The following BST1 variants were observed in gnomAD, a reference collection of about 807,000 sequenced individuals.
BST1 encodes bone marrow stromal cell antigen 1.
In BST1, 49 loss-of-function variants were observed where a neutral mutation model predicts 40.6. The ratio of observed to expected loss-of-function variants is 1.21; its 90% CI spans 0.96 to 1.53. The LOEUF is 1.53. Ranked by LOEUF, BST1 falls within the 40% of genes most tolerant of loss-of-function variation. BST1 has a pLI of 0.00. For synonymous variants in BST1, 157 were observed against 159.3 expected (o/e 0.99, Z 0.11); for missense variants, 423 against 395.9 (o/e 1.07, Z -0.58).
chr4:15,736,293 C>T (rs1024410874), downstream of BST1: 1 of 230,796 alleles, frequency 4.3e-6, no homozygotes, highest in African/African-American at 2.3e-5. Flanking sequence ...TGGTTTCCTA[C>T]CCTTGGCAAG....
chr4:15,723,548 C>T (rs369698177), intron 8 of BST1: 14 of 985,274 alleles, frequency 1.4e-5, no homozygotes, highest in African/African-American at 5.2e-5. Context: ...ACGCCTGGCC[C>T]ACACCACCTT....
At chr4:15,766,787 T>TAAA in the BST1 span, among the ~76,000 whole-genome samples, 79 of 68,356 alleles carry the variant, frequency 1.2e-3, 3 homozygotes, top group East Asian at 4.4e-3. Flanking sequence ...AAGACCTCCC[T>TAAA]AAAAAAAAAA....
intron 8 of BST1, among the ~76,000 whole-genome samples, chr4:15,726,136 G>GTTT (rs58225702): frequency 0.041 from 4,390 of 107,482 alleles, 488 homozygotes; most frequent in African/African-American, 0.15. Context: ...AACTTTTAAA[G>GTTT]TTTTTTTTTT....
the BST1 span, among the ~76,000 whole-genome samples, chr4:15,760,001 A>G: frequency 6.6e-6 from 1 of 151,960 alleles, no homozygotes; most frequent in Non-Finnish European, 1.5e-5. Context: ...AGTTTTTAGC[A>G]TATTCAGTTT....
At chr4:15,705,045 G>A (rs1283350134) in intron 1 of BST1, 3 of 715,860 alleles carry the variant, frequency 4.2e-6, no homozygotes, top group African/African-American at 3.5e-5. Context: ...TTGCACTGGA[G>A]GGTGCACCTG....
the BST1 span, among the ~76,000 whole-genome samples, chr4:15,746,710 T>C: frequency 1.3e-5 from 2 of 152,298 alleles, no homozygotes; most frequent in African/African-American, 4.8e-5. Context: ...GGATGTGGTA[T>C]TGCTCTGGAA....
At chr4:15,751,715 C>T in the BST1 span, among the ~76,000 whole-genome samples, 1 of 151,466 alleles carries the variant, frequency 6.6e-6, no homozygotes, top group African/African-American at 2.4e-5. Context: ...ATAATGTATA[C>T]ATCCACATAT....
chr4:15,757,382 G>A, the BST1 span, among the ~76,000 whole-genome samples: 2 of 152,214 alleles, frequency 1.3e-5, no homozygotes, highest in Admixed American at 6.5e-5. Context: ...CTCCCTGCAC[G>A]AACTGCAGTG....
At chr4:15,737,893 G>T in exon 7 of BST1, 4 of 1,101,396 alleles carry the variant, frequency 3.6e-6, no homozygotes, top group Non-Finnish European at 3.7e-6. Flanking sequence ...AGAGGCTCTG[G>T]CAAGAGTTGA....
chr4:15,705,480 T>A (rs201717484), intron 1 of BST1, 35 bp from the exon 2 acceptor site: 1 of 1,542,724 alleles, frequency 6.5e-7, no homozygotes, highest in African/African-American at 1.4e-5. Flanking sequence ...ATGATGTGCA[T>A]GTGTGTGTTC....
the BST1 span, among the ~76,000 whole-genome samples, chr4:15,771,511 T>C: frequency 1.3e-5 from 2 of 152,238 alleles, no homozygotes; most frequent in African/African-American, 4.8e-5. Flanking sequence ...TTAGGTTTTA[T>C]TTTCTCAAGT....
At chr4:15,729,041 A>C (rs1721257379) in intron 8 of BST1, among the ~76,000 whole-genome samples, 1 of 152,238 alleles carries the variant, frequency 6.6e-6, no homozygotes, top group Non-Finnish European at 1.5e-5. Context: ...AAGAATTAAG[A>C]TTAAATTTTA....
At chr4:15,727,221 C>T (rs1308124624) in intron 8 of BST1, among the ~76,000 whole-genome samples, 1 of 152,190 alleles carries the variant, frequency 6.6e-6, no homozygotes, top group Admixed American at 6.5e-5. Context: ...TCCTACCACA[C>T]CACACTGCCT....
At chr4:15,766,874 A>G in the BST1 span, among the ~76,000 whole-genome samples, 1 of 150,076 alleles carries the variant, frequency 6.7e-6, no homozygotes, top group Non-Finnish European at 1.5e-5. Flanking sequence ...CCTTCTGACC[A>G]GAAGAAGTGT....
At chr4:15,762,017 C>T in the BST1 span, among the ~76,000 whole-genome samples, 7 of 151,354 alleles carry the variant, frequency 4.6e-5, no homozygotes, top group Non-Finnish European at 1.0e-4. Flanking sequence ...GCTGAAACCC[C>T]GTCTCTACTA....
downstream of BST1, among the ~76,000 whole-genome samples, chr4:15,738,607 T>C (rs1721651470): frequency 6.6e-6 from 1 of 152,188 alleles, no homozygotes; most frequent in African/African-American, 2.4e-5. Flanking sequence ...AAAACCTTGA[T>C]GGGAAGTGGG....
chr4:15,736,045 A>G (rs2148899334), downstream of BST1: 3 of 1,283,220 alleles, frequency 2.3e-6, no homozygotes, highest in South Asian at 3.7e-5. Flanking sequence ...ACATATTTAT[A>G]TTTATAGACC....
chr4:15,767,695 G>A, the BST1 span, among the ~76,000 whole-genome samples: 2 of 145,142 alleles, frequency 1.4e-5, no homozygotes, highest in African/African-American at 4.9e-5. Context: ...ACACTTTATT[G>A]TTTTTTTGGG....
the BST1 span, among the ~76,000 whole-genome samples, chr4:15,766,033 T>C: frequency 6.6e-6 from 1 of 151,932 alleles, no homozygotes; most frequent in African/African-American, 2.4e-5. Flanking sequence ...GTCAAAAGAA[T>C]TGCATTACAG....
Sources: gnomAD v4.1 joint callset for allele counts (sites outside exome capture counted in the v4.1 genomes callset) on GRCh38, gnomAD v4.1.1 for gene constraint, MANE v1.5 for transcripts, NCBI Gene and HGNC (gene_info 2026-07-23, HGNC 2026-07-21) for gene names.